Variants in PLOD2 observed in about 807,000 individuals in gnomAD.
The protein encoded by PLOD2 is procollagen-lysine,2-oxoglutarate 5-dioxygenase 2.
A neutral mutation model predicts 101.0 loss-of-function variants in PLOD2; 65 were observed. That is an observed-to-expected ratio of 0.64 (90% CI 0.53 to 0.79). The LOEUF (loss-of-function observed/expected upper bound fraction) is 0.79. Among genes scored for constraint, PLOD2 ranks in the 30% least tolerant of loss-of-function variants. PLOD2 has a pLI of 0.00. For missense variants in PLOD2, 909 were observed against 914.6 expected, an observed-to-expected ratio of 0.99 and a Z score of 0.08; for synonymous variants, 314 against 302.9, an observed-to-expected ratio of 1.04 and a Z score of -0.38.
chr3:146,145,560 T>G (rs997391202), intron 1 of PLOD2, among the ~76,000 whole-genome samples: 1 of 152,156 alleles, frequency 6.6e-6, no homozygotes, highest in Non-Finnish European at 1.5e-5. Context: ...TTAACTATAG[T>G]TACTGTTACG....
Position 146,086,889 on chromosome 3 carries a change from T to A in PLOD2, c.1025A>T (p.Asp342Val). Reference protein sequence around the residue: ...IHNKEVYHEKDIKVFFDKAKH... With the variant: ...IHNKEVYHEKVIKVFFDKAKH... The stretch of plus-strand genomic sequence containing the variant: ...AGCTTTATCAAAAAATACCTTGATG[T>A]CCTTTTCATGATAAACTTCCTGTAA... Residue 342 changes from aspartate (D) to valine (V), a missense_variant, in exon 10 of 20, where the codon GAC becomes GTC. Physicochemically the swap from Asp to Val is radical, Grantham distance 152. Coordinates refer to ENST00000282903, the MANE Select transcript of PLOD2 (RefSeq NM_182943.3). 6.6e-7 allele frequency: 1 copy of A among 1,511,146 alleles called. No homozygotes were observed. The highest frequency in any genetic ancestry group is 9.1e-7 in the Non-Finnish European group (1 of 1,099,376). 93.6% of individuals were successfully genotyped at this position (1,511,146 alleles called of 1,614,324 possible).
chr3:146,128,029 C>T (rs1481413126), intron 1 of PLOD2, among the ~76,000 whole-genome samples: 1 of 152,028 alleles, frequency 6.6e-6, no homozygotes, highest in East Asian at 1.9e-4. Context: ...TCTAAACTTC[C>T]AATCAAAAGA....
rs750987959 is a variant in PLOD2 at position 146,121,162 on chromosome 3, G to T, written c.288C>A (p.Val96=). The change falls in exon 3 of 20, where the codon GTC becomes GTA. Residue 96 remains valine, a synonymous_variant. Transcript: ENST00000282903. ...GGQKVRLMKE[V]MEHYADQDDL... is the part of the protein sequence containing the mutation. Reference sequence around the variant, plus strand: ...CATCTTGATCAGCATAGTGTTCCATGACTTCTTTCATTAATCTCACTTTCT... The same window carrying T: ...CATCTTGATCAGCATAGTGTTCCATTACTTCTTTCATTAATCTCACTTTCT... The T allele has an allele frequency of 6.2e-7, 1 of 1,608,230 alleles. No homozygotes were observed. Among genetic ancestry groups the T allele is most frequent in the South Asian group, 1.1e-5 (1 of 90,956 alleles).
At chr3:146,121,360 T>C in intron 2 of PLOD2, 112 bp from the exon 3 acceptor site, 1 of 852,466 alleles carries the variant, frequency 1.2e-6, no homozygotes, top group Admixed American at 1.8e-5. Flanking sequence ...ACCACTCTTC[T>C]AATGTTTCAT....
chr3:146,077,833 A>C (rs1156325202), intron 14 of PLOD2, 29 bp downstream of exon 14: 1 of 1,383,344 alleles, frequency 7.2e-7, no homozygotes, highest in Non-Finnish European at 1.0e-6. Context: ...TAAATAAACA[A>C]AAATAAATAA....
At chr3:146,113,787 A>C (rs1477522302) in intron 3 of PLOD2, among the ~76,000 whole-genome samples, 1 of 152,216 alleles carries the variant, frequency 6.6e-6, no homozygotes, top group African/African-American at 2.4e-5. Context: ...GCACCTTGAA[A>C]AAAGAACAGG....
intron 1 of PLOD2, among the ~76,000 whole-genome samples, chr3:146,157,632 T>C (rs961886403): frequency 2.0e-5 from 3 of 152,248 alleles, no homozygotes; most frequent in Non-Finnish European, 4.4e-5. Context: ...TCAGAGTTTA[T>C]TTTAAGATGC....
At chr3:146,142,589 C>T (rs2031574948) in intron 1 of PLOD2, among the ~76,000 whole-genome samples, 7 of 152,038 alleles carry the variant, frequency 4.6e-5, no homozygotes. Flanking sequence ...TTTCATATTA[C>T]AAGATTAATT....
At chr3:146,124,033 C>T in intron 2 of PLOD2, 105 bp downstream of exon 2, 1 of 719,014 alleles carries the variant, frequency 1.4e-6, no homozygotes, top group Non-Finnish European at 2.5e-6. Flanking sequence ...ATTATGTAAC[C>T]AAATGCTATC....
intron 3 of PLOD2, among the ~76,000 whole-genome samples, chr3:146,117,701 A>G (rs1456555575): frequency 6.6e-6 from 1 of 152,090 alleles, no homozygotes; most frequent in Non-Finnish European, 1.5e-5. Context: ...GATGTCAGAA[A>G]TTTTATCTGT....
intron 1 of PLOD2, among the ~76,000 whole-genome samples, chr3:146,127,821 C>T (rs1470402594): frequency 6.6e-6 from 1 of 152,112 alleles, no homozygotes; most frequent in Non-Finnish European, 1.5e-5. Flanking sequence ...GATACCATTT[C>T]ACACCAGTCA....
intron 7 of PLOD2, among the ~76,000 whole-genome samples, chr3:146,098,186 G>A (rs1313031503): frequency 6.6e-6 from 1 of 152,080 alleles, no homozygotes; most frequent in Non-Finnish European, 1.5e-5. Flanking sequence ...AAACCTGCAC[G>A]TTCAGCACAT....
chr3:146,116,220 A>C (rs1385151372), intron 3 of PLOD2, among the ~76,000 whole-genome samples: 1 of 151,762 alleles, frequency 6.6e-6, no homozygotes, highest in Non-Finnish European at 1.5e-5. Flanking sequence ...CTAACCACCC[A>C]CCCTCAAAAC....
intron 4 of PLOD2, among the ~76,000 whole-genome samples, chr3:146,107,863 C>T (rs553253523): frequency 1.3e-5 from 2 of 151,828 alleles, no homozygotes; most frequent in African/African-American, 4.8e-5. Flanking sequence ...AGACTGGTCT[C>T]GAACTCCTGA....
chr3:146,104,397 T>G, intron 5 of PLOD2, 55 bp from the exon 6 acceptor site: 1 of 861,908 alleles, frequency 1.2e-6, no homozygotes, highest in South Asian at 1.3e-5. Flanking sequence ...CAGCAAACAT[T>G]CCTATCATAT....
chr3:146,139,318 T>C (rs116929144), intron 1 of PLOD2, among the ~76,000 whole-genome samples: 2 of 152,168 alleles, frequency 1.3e-5, no homozygotes, highest in African/African-American at 4.8e-5. Context: ...TTTAAAGTAG[T>C]GAAGGACTCC....
At chr3:146,111,337 G>C (rs1388688323) in intron 3 of PLOD2, among the ~76,000 whole-genome samples, 1 of 152,116 alleles carries the variant, frequency 6.6e-6, no homozygotes, top group African/African-American at 2.4e-5. Flanking sequence ...GTCACTCACA[G>C]CATACAATTT....
rs1259416984 is a variant in PLOD2 at position 146,102,759 on chromosome 3, G to A, written c.773C>T (p.Thr258Ile). 28 of 1,511,276 alleles carry A rather than the reference G, an allele frequency of 1.9e-5. No individual in the cohort carries two copies. The highest frequency in any genetic ancestry group is 2.5e-5 in the Non-Finnish European group (27 of 1,086,434). 93.6% of individuals were successfully genotyped at this position (1,511,276 alleles called of 1,614,324 possible). A position where few individuals can be genotyped will look rare whatever the true frequency, so the allele number is the denominator to read the frequency against. Residue 258 changes from threonine to isoleucine, a missense_variant, in exon 7 of 20, where the codon ACC (threonine) becomes ATC (isoleucine). Physicochemically the swap from Thr to Ile is moderately conservative, Grantham distance 89. Transcript: ENST00000282903. ...LPVAINGNGP[T>I]KILLNYFGNY... ...ATAAAAGTAACTGTTACTTACCTTG[G>A]TGGGTCCATTTCCATTAATTGCCAC...
chr3:146,146,971 T>C (rs558680076), intron 1 of PLOD2, among the ~76,000 whole-genome samples: 5 of 152,190 alleles, frequency 3.3e-5, no homozygotes, highest in African/African-American at 4.8e-5. Flanking sequence ...CATGGGTTAA[T>C]GGACTATCCC....
Sources: gnomAD v4.1 joint callset for allele counts (sites outside exome capture counted in the v4.1 genomes callset) on GRCh38, gnomAD v4.1.1 for gene constraint, MANE v1.5 for transcripts, NCBI Gene and HGNC (gene_info 2026-07-23, HGNC 2026-07-21) for gene names.